STARD13: variants seen among roughly 807,000 people sequenced by gnomAD.
The protein encoded by STARD13 is stAR-related lipid transfer protein 13.
In STARD13, 62 loss-of-function variants were observed where a neutral mutation model predicts 106.4. The ratio of observed to expected loss-of-function variants is 0.58; its 90% CI spans 0.48 to 0.72. The LOEUF (loss-of-function observed/expected upper bound fraction) is 0.72, where lower values mean the gene tolerates loss of function less well. Among genes scored for constraint, STARD13 ranks in the 30% least tolerant of loss-of-function variants. The probability of loss-of-function intolerance (pLI) is 0.00; values close to 1 mark genes in which losing one functional copy is unlikely to be tolerated. For synonymous variants in STARD13, 565 were observed against 553.0 expected, an observed-to-expected ratio of 1.02 and a Z score of -0.31; for missense variants, 1,387 against 1,424.0, an observed-to-expected ratio of 0.97 and a Z score of 0.42.
At chr13:33,610,910 A>G in the STARD13 span, 2 of 152,242 alleles carry the variant, frequency 1.3e-5, no homozygotes, top group Non-Finnish European at 2.9e-5. Context: ...ACTAGTGTGC[A>G]TGGAAGGGCA....
At chr13:33,256,014 T>C (rs564987552) in intron 1 of STARD13, among the ~76,000 whole-genome samples, 3 of 152,270 alleles carry the variant, frequency 2.0e-5, no homozygotes, top group Non-Finnish European at 4.4e-5. Flanking sequence ...CATAAGTTGA[T>C]TATCTTCATC....
chr13:33,319,026 A>G (rs993253748), intron 1 of STARD13, among the ~76,000 whole-genome samples: 2 of 151,558 alleles, frequency 1.3e-5, no homozygotes, highest in African/African-American at 4.9e-5. Flanking sequence ...GTTACCAATG[A>G]CCAAGCAATT....
the STARD13 span, among the ~76,000 whole-genome samples, chr13:33,391,399 A>C: frequency 6.6e-4 from 101 of 152,302 alleles, no homozygotes; most frequent in African/African-American, 2.4e-3. Flanking sequence ...TTTGCTTTGC[A>C]AGTAGGAACA....
chr13:33,158,101 A>T lies in STARD13; in HGVS notation c.323+7236T>A, dbSNP rs900532637. ...CTATGCAGCCTTGCTGAAGCAACAG[A>T]GAGACATGGTTGTCATTCTGGAGGT... On this transcript the variant is annotated intron_variant, in intron 3 of 13. Coordinates refer to ENST00000336934, the MANE Select transcript of STARD13 (RefSeq NM_178006.4). Among the ~76,000 whole-genome samples, 14 of 152,318 alleles carry T rather than the reference A, an allele frequency of 9.2e-5. 1 individual carries two copies. The highest frequency in any genetic ancestry group is 2.6e-4 in the African/African-American group (11 of 41,558).
At chr13:33,486,913 T>C in the STARD13 span, among the ~76,000 whole-genome samples, 2 of 152,348 alleles carry the variant, frequency 1.3e-5, no homozygotes, top group African/African-American at 2.4e-5. Context: ...CCTGCCATAT[T>C]GCATCATTGA....
At chr13:33,570,063 A>G in the STARD13 span, among the ~76,000 whole-genome samples, 1 of 147,608 alleles carries the variant, frequency 6.8e-6, no homozygotes, top group African/African-American at 2.5e-5. Context: ...CACAAAAACT[A>G]ATGAAATACA....
the STARD13 span, among the ~76,000 whole-genome samples, chr13:33,652,835 A>T: frequency 6.6e-6 from 1 of 152,060 alleles, no homozygotes; most frequent in African/African-American, 2.4e-5. Context: ...AATATCTGGT[A>T]TCTAGTAGGT....
the STARD13 span, among the ~76,000 whole-genome samples, chr13:33,410,990 C>T: frequency 2.0e-5 from 3 of 152,164 alleles, no homozygotes; most frequent in African/African-American, 7.2e-5. Context: ...TCCATGCAAA[C>T]TTTTAGGCTT....
intron 3 of STARD13, among the ~76,000 whole-genome samples, chr13:33,156,257 C>A (rs1380717697): frequency 6.6e-6 from 1 of 152,186 alleles, no homozygotes. Flanking sequence ...TATACCTATT[C>A]ATCTAGTTCG....
chr13:33,109,231 C>T (rs1212346847), intron 12 of STARD13, among the ~76,000 whole-genome samples: 1 of 152,182 alleles, frequency 6.6e-6, no homozygotes, highest in East Asian at 1.9e-4. Context: ...CTGGCTGATG[C>T]AACACTGCAT....
intron 1 of STARD13, among the ~76,000 whole-genome samples, chr13:33,266,168 C>T (rs1326369841): frequency 4.6e-5 from 7 of 152,292 alleles, no homozygotes; most frequent in South Asian, 4.1e-4. Flanking sequence ...CTCCTGGCTC[C>T]GCTAGTTATT....
At chr13:33,676,195 G>A in the STARD13 span, among the ~76,000 whole-genome samples, 1 of 152,124 alleles carries the variant, frequency 6.6e-6, no homozygotes, top group Non-Finnish European at 1.5e-5. Flanking sequence ...AGTTGTAGCG[G>A]CGGAGTTTAA....
intron 1 of STARD13, among the ~76,000 whole-genome samples, chr13:33,213,682 A>G (rs1231943398): frequency 6.6e-6 from 1 of 152,234 alleles, no homozygotes; most frequent in Non-Finnish European, 1.5e-5. Context: ...ATGGCAAGAC[A>G]AGATTGGATT....
In STARD13 at chr13:33,240,233, A is replaced by G. The variant is rs550715495; in HGVS notation, c.169+45237T>C. On this transcript the variant is annotated intron_variant, in intron 1 of 13. Coordinates refer to ENST00000336934, the MANE Select transcript of STARD13 (RefSeq NM_178006.4). Reference sequence around the variant, plus strand: ...GTTCCTTGGCTCTCTATTCTGTTCCATTGTTCCATATGTCTGTCTTCATGC... The same window carrying G: ...GTTCCTTGGCTCTCTATTCTGTTCCGTTGTTCCATATGTCTGTCTTCATGC... Among the ~76,000 whole-genome samples, 20 of 152,192 alleles carry G rather than the reference A, an allele frequency of 1.3e-4. No homozygotes were observed. The South Asian group carries it at 3.9e-3, about 30-fold the overall frequency.
At chr13:33,614,952 G>A in the STARD13 span, among the ~76,000 whole-genome samples, 1 of 152,160 alleles carries the variant, frequency 6.6e-6, no homozygotes, top group Non-Finnish European at 1.5e-5. Flanking sequence ...AACTGTCAGG[G>A]TCCAGTTGAC....
the STARD13 span, among the ~76,000 whole-genome samples, chr13:33,633,097 A>G: frequency 4.6e-5 from 7 of 152,238 alleles, no homozygotes; most frequent in African/African-American, 9.6e-5. Context: ...AAATAACAAT[A>G]ATGATAAAAA....
intron 1 of STARD13, among the ~76,000 whole-genome samples, chr13:33,350,074 C>CG (rs2078058980): frequency 6.6e-6 from 1 of 152,128 alleles, no homozygotes. Flanking sequence ...TCAGCGCGCG[C>CG]GTCCGGCACG....
chr13:33,665,770 G>A, the STARD13 span, among the ~76,000 whole-genome samples: 8 of 152,322 alleles, frequency 5.3e-5, no homozygotes, highest in Admixed American at 5.2e-4. Context: ...GGAAAAGGCT[G>A]ATGTTAAATG....
the STARD13 span, among the ~76,000 whole-genome samples, chr13:33,667,614 TAA>T: frequency 1.3e-5 from 2 of 152,352 alleles, no homozygotes; most frequent in East Asian, 3.9e-4. Context: ...CACCATTAGA[TAA>T]TGTATCATTA....
Sources: gnomAD v4.1 joint callset for allele counts (sites outside exome capture counted in the v4.1 genomes callset) on GRCh38, gnomAD v4.1.1 for gene constraint, MANE v1.5 for transcripts, NCBI Gene and HGNC (gene_info 2026-07-23, HGNC 2026-07-21) for gene names.